The following TRIM33 variants were observed in gnomAD, a reference collection of about 807,000 sequenced individuals.
The protein encoded by TRIM33 is E3 ubiquitin-protein ligase TRIM33.
TRIM33 carries 20 observed loss-of-function variants against 125.4 expected under a neutral mutation model. That is an observed-to-expected ratio of 0.16 (90% confidence interval 0.11 to 0.23). The LOEUF is 0.23. Ranked by LOEUF, TRIM33 falls within the 10% of genes least tolerant of loss-of-function variation. TRIM33 has a pLI of 1.00. For synonymous variants in TRIM33, 564 were observed against 513.9 expected, an observed-to-expected ratio of 1.10 and a Z score of -1.32; for missense variants, 920 against 1,411.4, an observed-to-expected ratio of 0.65 and a Z score of 5.58.
chr1:114,504,997 TA>T (rs1652913140), intron 1 of TRIM33, among the ~76,000 whole-genome samples: 1 of 152,184 alleles, frequency 6.6e-6, no homozygotes, highest in Non-Finnish European at 1.5e-5. Flanking sequence ...TACTACAATT[TA>T]TTGGGGGCTT....
chr1:114,395,027 A>C lies in TRIM33; in HGVS notation c.*2621T>G, dbSNP rs913251111. ...ACTGCCTTCAGGGACTGACAGATAC[A>C]ATTTTGTCTTTTTAAAACATAAACT... On this transcript the variant is annotated 3_prime_UTR_variant, in exon 20 of 20. Transcript: ENST00000358465. 1 of 194,426 alleles carries C rather than the reference A, an allele frequency of 5.1e-6. No homozygotes were observed. Among genetic ancestry groups the C allele is most frequent in the African/African-American group, 2.3e-5 (1 of 43,230 alleles). 12.0% of individuals were successfully genotyped at this position (194,426 alleles called of 1,614,324 possible). A position where few individuals can be genotyped will look rare whatever the true frequency, so the allele number is the denominator to read the frequency against.
intron 4 of TRIM33, among the ~76,000 whole-genome samples, chr1:114,435,470 C>T (rs966613843): frequency 6.6e-6 from 1 of 152,138 alleles, no homozygotes; most frequent in African/African-American, 2.4e-5. Context: ...AGTAATAATA[C>T]TATGAGCATC....
At chr1:114,404,424 G>A (rs1652106520) in intron 15 of TRIM33, 1 of 152,190 alleles carries the variant, frequency 6.6e-6, no homozygotes, top group African/African-American at 2.4e-5. Flanking sequence ...GGGATTACAG[G>A]TGTGAGCTAC....
chr1:114,423,026 A>G (rs1647305191), intron 10 of TRIM33, among the ~76,000 whole-genome samples: 1 of 152,200 alleles, frequency 6.6e-6, no homozygotes, highest in African/African-American at 2.4e-5. Flanking sequence ...TATTTTAAAA[A>G]TAAGTAACAG....
intron 4 of TRIM33, among the ~76,000 whole-genome samples, chr1:114,457,485 C>A (rs1265893474): frequency 4.6e-5 from 7 of 152,112 alleles, no homozygotes; most frequent in African/African-American, 1.7e-4. Context: ...TCAAAACAGC[C>A]ATAATATCTT....
chr1:114,503,471 C>G (rs1652824355), intron 1 of TRIM33, among the ~76,000 whole-genome samples: 1 of 152,100 alleles, frequency 6.6e-6, no homozygotes. Flanking sequence ...AAGCAAGACT[C>G]CATCTCAAAA....
intron 1 of TRIM33, among the ~76,000 whole-genome samples, chr1:114,476,292 A>T (rs1359426400): frequency 1.3e-5 from 2 of 152,056 alleles, no homozygotes; most frequent in African/African-American, 4.8e-5. Context: ...TTAAAACTTT[A>T]CAAAGTGAAA....
intron 5 of TRIM33, 131 bp downstream of exon 5, chr1:114,433,486 C>T: frequency 1.8e-6 from 1 of 566,618 alleles, no homozygotes; most frequent in Non-Finnish European, 3.1e-6. Context: ...ATTATAATCC[C>T]AAATTCATAC....
intron 6 of TRIM33, among the ~76,000 whole-genome samples, chr1:114,429,630 GAAAA>G (rs370027645): frequency 1.6e-5 from 2 of 127,882 alleles, no homozygotes; most frequent in African/African-American, 2.9e-5. Flanking sequence ...AGATGGGACA[GAAAA>G]AAAAAAAAAC....
chr1:114,470,638 TAAC>T (rs35575166), intron 1 of TRIM33, among the ~76,000 whole-genome samples: 53,152 of 151,300 alleles, frequency 0.35, 9,954 homozygotes, highest in African/African-American at 0.46. Context: ...ACTTGGTCAA[TAAC>T]AACAACAACA....
chr1:114,490,159 G>T (rs1651978821), intron 1 of TRIM33, among the ~76,000 whole-genome samples: 1 of 150,620 alleles, frequency 6.6e-6, no homozygotes, highest in African/African-American at 2.4e-5. Context: ...AAGAAAAAGG[G>T]TAGAACATCC....
intron 1 of TRIM33, among the ~76,000 whole-genome samples, chr1:114,498,494 A>G (rs1652510690): frequency 6.6e-6 from 1 of 152,000 alleles, no homozygotes; most frequent in Non-Finnish European, 1.5e-5. Flanking sequence ...TAAAAATACA[A>G]AAAAATTAGC....
chr1:114,427,111 C>A, intron 8 of TRIM33, 66 bp downstream of exon 8: 4 of 729,100 alleles, frequency 5.5e-6, no homozygotes, highest in African/African-American at 1.8e-5. Flanking sequence ...TCTAAATTTG[C>A]TTTAAGTATT....
At chr1:114,459,157 C>T (rs956359914) in intron 4 of TRIM33, among the ~76,000 whole-genome samples, 1 of 152,108 alleles carries the variant, frequency 6.6e-6, no homozygotes, top group Non-Finnish European at 1.5e-5. Flanking sequence ...CTGGGGACTC[C>T]CAGACCCATC....
At chr1:114,499,305 A>G (rs1156904426) in intron 1 of TRIM33, among the ~76,000 whole-genome samples, 1 of 152,172 alleles carries the variant, frequency 6.6e-6, no homozygotes, top group East Asian at 1.9e-4. Flanking sequence ...GCCTGTGTAA[A>G]GTATTAATTA....
In TRIM33 at chr1:114,397,673, T is replaced by C; in HGVS notation, c.3359A>G (p.Asp1120Gly). 1.3e-6 allele frequency: 2 copies of C among 1,532,474 alleles called. No homozygotes were observed. The highest frequency in any genetic ancestry group is 2.7e-5 in the East Asian group (1 of 36,922). 94.9% of individuals were successfully genotyped at this position (1,532,474 alleles called of 1,614,324 possible). ...TTACTTTATATGTACTGGTCTCTCA[T>C]CTGACTTTAGGCGTTTTCTGCGGGG... Reference protein sequence around the residue: ...IQPRRKRLKSDERPVHIK With the variant: ...IQPRRKRLKSGERPVHIK The change falls in exon 20 of 20, where the codon GAT becomes GGT. Residue 1120 changes from aspartate to glycine, a missense_variant. Physicochemically the swap from Asp to Gly is moderately conservative, Grantham distance 94 (BLOSUM62 -1). Transcript: ENST00000358465.
intron 1 of TRIM33, among the ~76,000 whole-genome samples, chr1:114,471,575 A>G (rs77907069): frequency 0.026 from 4,010 of 152,294 alleles, 92 homozygotes; most frequent in Non-Finnish European, 0.034. Flanking sequence ...ACTTCAAGAC[A>G]TACCTATTGA....
At chr1:114,459,465 T>C (rs1212627361) in intron 4 of TRIM33, among the ~76,000 whole-genome samples, 4 of 152,150 alleles carry the variant, frequency 2.6e-5, no homozygotes, top group African/African-American at 9.7e-5. Context: ...AGTTGTTCAT[T>C]TGTATTCTTT....
intron 1 of TRIM33, among the ~76,000 whole-genome samples, chr1:114,488,601 A>C (rs553856985): frequency 6.6e-6 from 1 of 152,122 alleles, no homozygotes; most frequent in East Asian, 1.9e-4. Flanking sequence ...CCATCTCTAC[A>C]AAAAATTAAA....
Sources: gnomAD v4.1 joint callset for allele counts (sites outside exome capture counted in the v4.1 genomes callset) on GRCh38, gnomAD v4.1.1 for gene constraint, MANE v1.5 for transcripts, NCBI Gene and HGNC (gene_info 2026-07-23, HGNC 2026-07-21) for gene names.